CLEC16A: variants seen among roughly 807,000 people sequenced by gnomAD.
The protein encoded by CLEC16A is protein CLEC16A.
A neutral mutation model predicts 109.5 loss-of-function variants in CLEC16A; 51 were observed. The observed-to-expected ratio is 0.47, with a 90% CI of 0.37 to 0.59. The LOEUF is 0.59. Ranked by LOEUF, CLEC16A falls within the 20% of genes least tolerant of loss-of-function variation. The pLI, the probability that CLEC16A is intolerant of heterozygous loss-of-function variation, is 0.00. For missense variants in CLEC16A, 1,339 were observed against 1,394.0 expected, an observed-to-expected ratio of 0.96 and a Z score of 0.63; for synonymous variants, 673 against 564.2, an observed-to-expected ratio of 1.19 and a Z score of -2.73.
At chr16:10,950,367 G>C (rs945830569) in intron 1 of CLEC16A, among the ~76,000 whole-genome samples, 2 of 152,142 alleles carry the variant, frequency 1.3e-5, no homozygotes, top group Non-Finnish European at 2.9e-5. Context: ...GCAGACCTCT[G>C]TTTTCAGAAA....
rs542305437 is a variant in CLEC16A, at chr16:11,038,728, T to C, written c.1538-1026T>C. On this transcript the variant is annotated intron_variant, in intron 13 of 23. Coordinates refer to ENST00000409790, the MANE Select transcript of CLEC16A (RefSeq NM_015226.3). The stretch of plus-strand genomic sequence containing the variant: ...CCCTTGCCTCTTAATGATAGATCTC[T>C]GCTGTATTGGTGTCATTGTATTAGG... Among the ~76,000 whole-genome samples, 59 of 152,338 alleles carry C rather than the reference T, an allele frequency of 3.9e-4. No homozygotes were observed. In the South Asian group the frequency reaches 0.012, roughly 31 times the overall value.
intron 19 of CLEC16A, among the ~76,000 whole-genome samples, chr16:11,101,493 G>C (rs772667756): frequency 6.6e-6 from 1 of 152,166 alleles, no homozygotes; most frequent in African/African-American, 2.4e-5. Context: ...TGCGTGTCTT[G>C]TTCATTCTGT....
chr16:11,010,161 AAG>A (rs2045314880), intron 11 of CLEC16A, among the ~76,000 whole-genome samples: 1 of 151,836 alleles, frequency 6.6e-6, no homozygotes, highest in African/African-American at 2.4e-5. Context: ...CTTAAAAAAA[AAG>A]AAGATGGTGC....
intron 22 of CLEC16A, among the ~76,000 whole-genome samples, chr16:11,154,223 G>C (rs994213982): frequency 2.6e-5 from 4 of 152,192 alleles, no homozygotes; most frequent in African/African-American, 9.7e-5. Flanking sequence ...TCTTTAAGAG[G>C]GATGGACTTA....
intron 9 of CLEC16A, among the ~76,000 whole-genome samples, chr16:10,982,436 G>C (rs1462761658): frequency 1.3e-5 from 2 of 152,200 alleles, no homozygotes; most frequent in African/African-American, 4.8e-5. Flanking sequence ...CCAAGTCCTT[G>C]ATTGGAACAA....
At chr16:10,952,363 C>G (rs1052240473) in intron 1 of CLEC16A, among the ~76,000 whole-genome samples, 13 of 152,244 alleles carry the variant, frequency 8.5e-5, no homozygotes, top group Admixed American at 5.2e-4. Context: ...GCATGGTGGC[C>G]TGCGCCTATA....
chr16:11,140,421 G>A (rs867779611), intron 22 of CLEC16A, among the ~76,000 whole-genome samples: 3 of 152,348 alleles, frequency 2.0e-5, no homozygotes, highest in Middle Eastern at 3.4e-3. Context: ...CATTTGGGGA[G>A]AAAAACGTTC....
rs1005951284 is a variant in CLEC16A, at chr16:11,178,897, G to T, written c.*207G>T. 3.8e-6 allele frequency: 2 copies of T among 523,312 alleles called. No individual in the cohort carries two copies. Among genetic ancestry groups the T allele is most frequent in the East Asian group, 6.3e-5 (2 of 31,646 alleles). 32.4% of individuals were successfully genotyped at this position (523,312 alleles called of 1,614,324 possible). A position where few individuals can be genotyped will look rare whatever the true frequency, so the allele number is the denominator to read the frequency against. Reference sequence around the variant, plus strand: ...TCACTTTGCATCTCTTCACGTGCAGGCTGGGACCAGCGGAGACACCGCGGC... The same window carrying T: ...TCACTTTGCATCTCTTCACGTGCAGTCTGGGACCAGCGGAGACACCGCGGC... On this transcript the variant is annotated 3_prime_UTR_variant, in exon 24 of 24. Transcript: ENST00000409790. This position sits in a 1 kb window ranked among gnomAD's most constrained non-coding sequence, Gnocchi z 6.5.
chr16:11,126,073 C>T lies in CLEC16A; in HGVS notation c.2568C>T (p.Tyr856=), dbSNP rs201683417. 116 of 1,613,956 alleles carry T rather than the reference C, an allele frequency of 7.2e-5. No individual in the cohort carries two copies. In the East Asian group the frequency reaches 1.6e-3, roughly 22 times the overall value. Reference sequence around the variant, plus strand: ...CTCAGCACCTGCCTTTCCGCTTCTACGACCAGGGGCGCCGGGGCAGCAGCG... The same window carrying T: ...CTCAGCACCTGCCTTTCCGCTTCTATGACCAGGGGCGCCGGGGCAGCAGCG... ...TSTQHLPFRF[Y]DQGRRGSSDP... Residue 856 remains tyrosine (Y), a synonymous_variant, in exon 22 of 24, where the codon TAC becomes TAT. Coordinates refer to ENST00000409790, the MANE Select transcript of CLEC16A (RefSeq NM_015226.3).
chr16:11,035,667 A>G (rs575747747), intron 13 of CLEC16A, among the ~76,000 whole-genome samples: 7 of 152,362 alleles, frequency 4.6e-5, no homozygotes, highest in African/African-American at 1.7e-4. Flanking sequence ...GAAATGAAGC[A>G]TTCTACGTCA....
chr16:11,042,056 G>A, intron 14 of CLEC16A, 198 bp from the exon 15 acceptor site: 1 of 564,140 alleles, frequency 1.8e-6, no homozygotes, highest in Non-Finnish European at 3.2e-6. Context: ...AGGTAGTTTT[G>A]ATGGAGAACA....
chr16:11,133,312 C>G (rs1273188882), intron 22 of CLEC16A, among the ~76,000 whole-genome samples: 4 of 150,720 alleles, frequency 2.7e-5, no homozygotes, highest in Non-Finnish European at 4.4e-5. Flanking sequence ...GCACTCTAGC[C>G]TGGGTGACAG....
intron 22 of CLEC16A, among the ~76,000 whole-genome samples, chr16:11,158,906 C>A (rs1320938536): frequency 7.4e-6 from 1 of 134,292 alleles, no homozygotes; most frequent in African/African-American, 3.0e-5. Context: ...GGTGACAGAG[C>A]GAGACTCCAG....
At chr16:11,017,492 C>T (rs780729387) in intron 11 of CLEC16A, among the ~76,000 whole-genome samples, 16 of 152,152 alleles carry the variant, frequency 1.1e-4, no homozygotes, top group African/African-American at 1.4e-4. Context: ...TGGAGATACG[C>T]GAAGACGTTT....
intron 23 of CLEC16A, among the ~76,000 whole-genome samples, chr16:11,177,100 T>C: frequency 6.6e-6 from 1 of 152,160 alleles, no homozygotes; most frequent in East Asian, 1.9e-4. Context: ...CGTCAGCACC[T>C]CCCGCCATGG....
At chr16:11,155,915 C>G (rs1377296378) in intron 22 of CLEC16A, among the ~76,000 whole-genome samples, 3 of 152,214 alleles carry the variant, frequency 2.0e-5, no homozygotes, top group Admixed American at 2.0e-4. Flanking sequence ...AGAATCAAGA[C>G]TAATTCCCTG....
chr16:11,173,339 A>G (rs545646557), intron 23 of CLEC16A, among the ~76,000 whole-genome samples: 8 of 152,266 alleles, frequency 5.3e-5, no homozygotes, highest in East Asian at 1.9e-4. Flanking sequence ...CTATGGCGTC[A>G]CATTCAAGCT....
intron 19 of CLEC16A, among the ~76,000 whole-genome samples, chr16:11,107,013 T>C (rs887838690): frequency 1.3e-5 from 2 of 152,132 alleles, no homozygotes; most frequent in Non-Finnish European, 2.9e-5. Context: ...AAGAGTTTTC[T>C]TAACAGTGCT....
chr16:11,055,670 C>A (rs536346829), intron 18 of CLEC16A, among the ~76,000 whole-genome samples: 85 of 139,754 alleles, frequency 6.1e-4, no homozygotes, highest in African/African-American at 2.3e-3. Context: ...TCACTGCAAC[C>A]TGCTCCTCCT....
Sources: gnomAD v4.1 joint callset for allele counts (sites outside exome capture counted in the v4.1 genomes callset) on GRCh38, gnomAD v4.1.1 for gene constraint, Gnocchi (gnomAD v3.1) non-coding constraint, MANE v1.5 for transcripts, NCBI Gene and HGNC (gene_info 2026-07-23, HGNC 2026-07-21) for gene names.